Variants in PCDHGA1 observed in about 807,000 individuals in gnomAD.
PCDHGA1 encodes protocadherin gamma subfamily A, 1.
PCDHGA1 carries 32 observed loss-of-function variants against 58.0 expected under a neutral mutation model. The ratio of observed to expected loss-of-function variants is 0.55; its 90% CI spans 0.42 to 0.74. PCDHGA1 has a LOEUF of 0.74. Ranked by LOEUF, PCDHGA1 falls within the 30% of genes least tolerant of loss-of-function variation. The pLI is 0.00. For missense variants in PCDHGA1, 1,205 were observed against 1,182.3 expected (o/e 1.02, Z -0.28); for synonymous variants, 498 against 501.1 (o/e 0.99, Z 0.08).
At chr5:141,460,150 T>G (rs1169568683) in intron 1 of PCDHGA1, among the ~76,000 whole-genome samples, 1 of 152,106 alleles carries the variant, frequency 6.6e-6, no homozygotes, top group East Asian at 1.9e-4. Context: ...ATGTGAGCTC[T>G]TTGTCACATA....
Position 141,431,548 on chromosome 5 carries a change from A to G in PCDHGA1, c.2422-63259A>G, listed in dbSNP as rs1357844542. 2 of 1,614,136 alleles carry G rather than the reference A, an allele frequency of 1.2e-6. No individual in the cohort carries two copies. Among genetic ancestry groups the G allele is most frequent in the Admixed American group, 1.7e-5 (1 of 60,030 alleles). On this transcript the variant is annotated intron_variant, in intron 1 of 3. Coordinates refer to ENST00000517417, the MANE Select transcript of PCDHGA1 (RefSeq NM_018912.3). This position sits in a 1 kb window ranked among gnomAD's most constrained non-coding sequence, Gnocchi z 4.8. ...TGGCCTTGGGCACGCAGCTGCTTGT[A>G]GTCAACGCTACCGACCCTGACGAAG... is the stretch of plus-strand genomic sequence containing the variant.
intron 1 of PCDHGA1, chr5:141,389,177 C>G: frequency 1.2e-6 from 2 of 1,614,052 alleles, no homozygotes; most frequent in Non-Finnish European, 1.7e-6. Flanking sequence ...CTCCCCTCTC[C>G]TCCAGTTCCA....
chr5:141,364,658 G>A, intron 1 of PCDHGA1: 1 of 1,614,020 alleles, frequency 6.2e-7, no homozygotes, highest in South Asian at 1.1e-5. Context: ...TAACATCTTG[G>A]TTGAGAACAA....
intron 1 of PCDHGA1, chr5:141,399,822 C>T (rs755182775): frequency 1.2e-6 from 2 of 1,613,084 alleles, no homozygotes; most frequent in Admixed American, 3.3e-5. Context: ...CGCTGGGTCC[C>T]GACGGCTCTG....
chr5:141,395,442 AG>A lies in PCDHGA1; in HGVS notation c.2421+62338del, dbSNP rs1446210907. Reference sequence around the variant, plus strand: ...CATTTGCTTTTAAACGACTTGGAAAAGATTGTTCAACCATTTTAAGCCTTCC... The same window carrying A: ...CATTTGCTTTTAAACGACTTGGAAAAATTGTTCAACCATTTTAAGCCTTCC... On this transcript the variant is annotated intron_variant, in intron 1 of 3. Coordinates refer to ENST00000517417, the MANE Select transcript of PCDHGA1 (RefSeq NM_018912.3). 4 of 667,514 alleles carry A rather than the reference AG, an allele frequency of 6.0e-6. No homozygotes were observed. The East Asian group carries it at 1.2e-4, about 20-fold the overall frequency. 41.3% of individuals were successfully genotyped at this position (667,514 alleles called of 1,614,324 possible).
Position 141,431,325 on chromosome 5 carries a change from G to GT in PCDHGA1, c.2422-63481dup, listed in dbSNP as rs1340996903. On this transcript the variant is annotated intron_variant, in intron 1 of 3. Transcript: ENST00000517417. This position sits in a 1 kb window ranked among gnomAD's most constrained non-coding sequence, Gnocchi z 4.8. ...ATCGTGCAAAATGGAGCCGACGGTA[G>GT]TAAGTACCCCGAATTGGTGCTGAAA... 22 of 1,614,028 alleles carry GT rather than the reference G, an allele frequency of 1.4e-5. No homozygotes were observed. In the Admixed American group the frequency reaches 2.5e-4, roughly 18 times the overall value.
At chr5:141,395,147 G>A in intron 1 of PCDHGA1, 1 of 1,614,210 alleles carries the variant, frequency 6.2e-7, no homozygotes, top group Non-Finnish European at 8.5e-7. Flanking sequence ...ACGCAGACAT[G>A]CTCATCAGTC....
intron 1 of PCDHGA1, among the ~76,000 whole-genome samples, chr5:141,448,430 T>C (rs1468604001): frequency 6.6e-6 from 1 of 152,186 alleles, no homozygotes; most frequent in African/African-American, 2.4e-5. Flanking sequence ...TATGTATATA[T>C]TGAGAAGTCT....
intron 1 of PCDHGA1, chr5:141,389,972 GA>G: frequency 6.2e-7 from 1 of 1,614,056 alleles, no homozygotes; most frequent in East Asian, 2.2e-5. Flanking sequence ...CCTTGGCCTT[GA>G]TCTCAGTGCT....
chr5:141,391,728 T>C (rs2092412871), intron 1 of PCDHGA1: 1 of 152,222 alleles, frequency 6.6e-6, no homozygotes, highest in East Asian at 1.9e-4. Flanking sequence ...ACAGACTTTT[T>C]TGTAGTCATA....
chr5:141,484,697 T>C (rs746981788), intron 1 of PCDHGA1, among the ~76,000 whole-genome samples: 11 of 151,988 alleles, frequency 7.2e-5, no homozygotes, highest in Non-Finnish European at 1.3e-4. Context: ...AGGCTGTGGC[T>C]GTTTTCCCCG....
chr5:141,419,386 G>A (rs2096372901), intron 1 of PCDHGA1: 1 of 1,613,650 alleles, frequency 6.2e-7, no homozygotes, highest in Non-Finnish European at 8.5e-7. Context: ...CCGTGAGCGC[G>A]CAGAGCGGGG....
At position 141,382,966 on chromosome 5, in the gene PCDHGA1, C is replaced by A. The variant is rs36077896; in HGVS notation, c.2421+49861C>A. ...CCTGCTCTCCATCCTCCTGGGGACC[C>A]CCTGGGAAGCCTGGGCAGGACGTAT... On this transcript the variant is annotated intron_variant, in intron 1 of 3. Coordinates refer to ENST00000517417, the MANE Select transcript of PCDHGA1 (RefSeq NM_018912.3). 1,675 of 1,609,050 alleles carry A rather than the reference C, an allele frequency of 1.0e-3. 6 individuals are homozygous for A. Among genetic ancestry groups the A allele is most frequent in the Middle Eastern group, 5.5e-3 (33 of 6,044 alleles).
At chr5:141,469,012 C>T (rs1196140759) in intron 1 of PCDHGA1, among the ~76,000 whole-genome samples, 1 of 151,852 alleles carries the variant, frequency 6.6e-6, no homozygotes, top group Non-Finnish European at 1.5e-5. Flanking sequence ...TGCGGTGGGT[C>T]ACTCCTGTAA....
At chr5:141,434,980 CTA>C in intron 1 of PCDHGA1, among the ~76,000 whole-genome samples, 1 of 151,954 alleles carries the variant, frequency 6.6e-6, no homozygotes, top group East Asian at 1.9e-4. Flanking sequence ...TGTTAATACT[CTA>C]TATCATTTTC....
In PCDHGA1 at chr5:141,415,247, C is replaced by T. The variant is rs181239359; in HGVS notation, c.2422-79560C>T. The stretch of plus-strand genomic sequence containing the variant: ...GAGTCTCCAGCTAACTCTGAAACCT[C>T]AGACCTCACTCTGTACCTGGTGGTA... On this transcript the variant is annotated intron_variant, in intron 1 of 3. Transcript: ENST00000517417. 958 of 1,614,210 alleles carry T rather than the reference C, an allele frequency of 5.9e-4. 13 individuals are homozygous for T. The East Asian group carries it at 0.015, about 25-fold the overall frequency.
At chr5:141,344,556 A>G (rs1259326427) in intron 1 of PCDHGA1, 4 of 1,613,886 alleles carry the variant, frequency 2.5e-6, no homozygotes, top group Non-Finnish European at 3.4e-6. Context: ...GCTTAGCCCC[A>G]ATGACTACTT....
At chr5:141,393,491 G>C in intron 1 of PCDHGA1, 1 of 1,614,026 alleles carries the variant, frequency 6.2e-7, no homozygotes, top group Non-Finnish European at 8.5e-7. Flanking sequence ...CTAGCACAGT[G>C]CGCATCCACG....
chr5:141,389,996 C>T, intron 1 of PCDHGA1: 1 of 1,614,022 alleles, frequency 6.2e-7, no homozygotes, highest in Non-Finnish European at 8.5e-7. Context: ...TCCTCGTGGC[C>T]ATGATTCTGG....
Sources: allele counts gnomAD v4.1 joint callset (sites outside exome capture counted in the v4.1 genomes callset), GRCh38; gene constraint gnomAD v4.1.1; non-coding constraint Gnocchi (gnomAD v3.1); transcripts MANE v1.5; gene names NCBI Gene and HGNC (gene_info 2026-07-23, HGNC 2026-07-21).